The following CUX2 variants were observed in gnomAD, a reference collection of about 807,000 sequenced individuals.
CUX2 encodes homeobox protein cut-like 2.
A neutral mutation model predicts 144.8 loss-of-function variants in CUX2; 40 were observed. The ratio of observed to expected loss-of-function variants is 0.28; its 90% CI spans 0.21 to 0.36. The LOEUF is 0.36. CUX2 is among the 10% of genes least tolerant of loss of function. The probability of loss-of-function intolerance (pLI) is 1.00; values close to 1 mark genes in which losing one functional copy is unlikely to be tolerated. For synonymous variants in CUX2, 827 were observed against 875.6 expected (o/e 0.94, Z 0.98); for missense variants, 1,615 against 1,994.0 (o/e 0.81, Z 3.62).
intron 14 of CUX2, among the ~76,000 whole-genome samples, chr12:111,309,536 C>A (rs1018883981): frequency 2.6e-5 from 4 of 152,064 alleles, no homozygotes; most frequent in Admixed American, 2.0e-4. Flanking sequence ...GAGCCAAGGT[C>A]GGCGCTTCCA....
intron 1 of CUX2, among the ~76,000 whole-genome samples, chr12:111,189,420 T>G (rs542575238): frequency 6.6e-6 from 1 of 152,382 alleles, no homozygotes; most frequent in South Asian, 2.1e-4. Flanking sequence ...AGTTTCTGTT[T>G]CTTACGTAAA....
chr12:111,147,616 A>C (rs983246276), intron 1 of CUX2, among the ~76,000 whole-genome samples: 1 of 152,188 alleles, frequency 6.6e-6, no homozygotes, highest in Non-Finnish European at 1.5e-5. Flanking sequence ...GATTGCATGG[A>C]GCAGGGTGTG....
intron 1 of CUX2, among the ~76,000 whole-genome samples, chr12:111,140,725 G>T (rs1876260876): frequency 6.6e-6 from 1 of 152,256 alleles, no homozygotes; most frequent in Non-Finnish European, 1.5e-5. Context: ...TCACACTCCA[G>T]TTGTGACTCC....
chr12:111,034,323 C>T lies in CUX2; in HGVS notation c.63+83C>T. On this transcript the variant is annotated intron_variant, in intron 1 of 21. Transcript: ENST00000261726. The surrounding 1 kb of genome is among the most constrained non-coding windows in gnomAD (Gnocchi z 4.2). Reference sequence around the variant, plus strand: ...CGCATTGGGGAGGTCCCCGGGCGGGCAGGCGGACGCCCTGGGGCGGCGGGC... The same window carrying T: ...CGCATTGGGGAGGTCCCCGGGCGGGTAGGCGGACGCCCTGGGGCGGCGGGC... 1 of 854,952 alleles carries T rather than the reference C, an allele frequency of 1.2e-6. No homozygotes were observed. The allele number at this position is 854,952 out of a possible 1,614,324, so 53.0% of individuals were successfully genotyped here.
rs1190034222 is a variant in CUX2 at position 111,178,407 on chromosome 12, G to C, written c.64-35793G>C. 6.6e-6 allele frequency among the ~76,000 whole-genome samples: 1 copy of C among 152,190 alleles called. No homozygotes were observed. The highest frequency in any genetic ancestry group is 1.5e-5 in the Non-Finnish European group (1 of 68,038). On this transcript the variant is annotated intron_variant, in intron 1 of 21. Transcript: ENST00000261726. This position sits in a 1 kb window ranked among gnomAD's most constrained non-coding sequence, Gnocchi z 5.7. Reference sequence around the variant, plus strand: ...CAGGAATATAATTTGCTGTCACGTTGACAAGTCCAGCCCTCTGACTGGGTT... The same window carrying C: ...CAGGAATATAATTTGCTGTCACGTTCACAAGTCCAGCCCTCTGACTGGGTT...
At chr12:111,131,610 G>A (rs949930808) in intron 1 of CUX2, among the ~76,000 whole-genome samples, 1 of 152,218 alleles carries the variant, frequency 6.6e-6, no homozygotes, top group African/African-American at 2.4e-5. Context: ...CCTAGATACA[G>A]TGGGGGCACA....
intron 4 of CUX2, among the ~76,000 whole-genome samples, chr12:111,278,802 G>T (rs1193992708): frequency 6.6e-6 from 1 of 152,190 alleles, no homozygotes; most frequent in Non-Finnish European, 1.5e-5. Flanking sequence ...TTTAGCTGAT[G>T]CATCGAATAA....
chr12:111,088,844 G>C (rs1872393792), intron 1 of CUX2, among the ~76,000 whole-genome samples: 1 of 152,178 alleles, frequency 6.6e-6, no homozygotes. Flanking sequence ...TGTCCGACCG[G>C]GCAGCTGGGT....
chr12:111,126,055 G>T (rs888431959), intron 1 of CUX2, among the ~76,000 whole-genome samples: 80 of 150,544 alleles, frequency 5.3e-4, no homozygotes, highest in African/African-American at 2.0e-3. Context: ...GGGGGGGGCG[G>T]ATTTATTATA....
chr12:111,146,508 G>T (rs1177550784), intron 1 of CUX2, among the ~76,000 whole-genome samples: 1 of 152,196 alleles, frequency 6.6e-6, no homozygotes, highest in Non-Finnish European at 1.5e-5. Flanking sequence ...CCCAGGAAAT[G>T]AGAACAGATG....
chr12:111,080,473 A>T (rs1871821679), intron 1 of CUX2, among the ~76,000 whole-genome samples: 1 of 151,670 alleles, frequency 6.6e-6, no homozygotes, highest in Admixed American at 6.6e-5. Context: ...GGAGTTTGAG[A>T]CCAGCCTGGG....
intron 16 of CUX2, among the ~76,000 whole-genome samples, chr12:111,315,351 G>A (rs1172936850): frequency 6.6e-6 from 1 of 152,208 alleles, no homozygotes; most frequent in Non-Finnish European, 1.5e-5. Context: ...AGCAGTGGGG[G>A]ATCTGGTAAG....
intron 8 of CUX2, among the ~76,000 whole-genome samples, chr12:111,297,726 A>G (rs1296701897): frequency 6.6e-6 from 1 of 152,222 alleles, no homozygotes; most frequent in Admixed American, 6.5e-5. Flanking sequence ...ACATGAGAAC[A>G]TGACCCGGTC....
intron 1 of CUX2, among the ~76,000 whole-genome samples, chr12:111,183,170 C>T (rs904000464): frequency 3.3e-5 from 5 of 152,218 alleles, no homozygotes; most frequent in Non-Finnish European, 7.3e-5. Flanking sequence ...GTTGAGAACT[C>T]AATGAATATT....
chr12:111,168,657 G>A (rs1362740437), intron 1 of CUX2, among the ~76,000 whole-genome samples: 1 of 152,220 alleles, frequency 6.6e-6, no homozygotes, highest in African/African-American at 2.4e-5. Flanking sequence ...ATCAAACTGT[G>A]TCATATTGGG....
chr12:111,275,201 C>T (rs1209739219), intron 4 of CUX2, among the ~76,000 whole-genome samples: 2 of 152,188 alleles, frequency 1.3e-5, no homozygotes, highest in African/African-American at 2.4e-5. Context: ...AAGGCGGGTA[C>T]ACTTCCCCAC....
intron 3 of CUX2, among the ~76,000 whole-genome samples, chr12:111,259,053 GTGTGTGTGTGTGTGTGTGTT>G (rs1883978540): frequency 1.3e-5 from 2 of 151,070 alleles, no homozygotes; most frequent in South Asian, 4.2e-4. Flanking sequence ...GTGTGTGTGT[GTGTGTGTGTGTGTGTGTGTT>G]TGTGTGTGTG....
intron 1 of CUX2, among the ~76,000 whole-genome samples, chr12:111,094,824 AT>A (rs1872727595): frequency 6.6e-6 from 1 of 152,152 alleles, no homozygotes; most frequent in Non-Finnish European, 1.5e-5. Context: ...AATAGAAGTG[AT>A]TTATGTGATA....
At position 111,343,367 on chromosome 12, in the gene CUX2, C is replaced by A. The variant is rs1367814346; in HGVS notation, c.3659+1314C>A. On this transcript the variant is annotated intron_variant, in intron 21 of 21. Transcript: ENST00000261726. ...AGTCCCAGGGCTGGCTCTGAGGAGACCCCTGTAAAGAACACTTGGGGGGAT... is the reference window on the plus strand; with the variant it reads ...AGTCCCAGGGCTGGCTCTGAGGAGAACCCTGTAAAGAACACTTGGGGGGAT... Among the ~76,000 whole-genome samples the A allele has an allele frequency of 3.9e-5, 6 of 152,174 alleles. No individual in the cohort carries two copies. In the South Asian group the frequency reaches 1.2e-3, roughly 32 times the overall value.
Sources: allele counts gnomAD v4.1 joint callset (sites outside exome capture counted in the v4.1 genomes callset), GRCh38; gene constraint gnomAD v4.1.1; non-coding constraint Gnocchi (gnomAD v3.1); transcripts MANE v1.5; gene names NCBI Gene and HGNC (gene_info 2026-07-23, HGNC 2026-07-21).